FBN1: variants seen among roughly 807,000 people sequenced by gnomAD.
The protein encoded by FBN1 is fibrillin 1, also known as fibrillin-1.
Under a neutral mutation model 365.1 loss-of-function variants are expected in FBN1, and 29 were observed. The observed-to-expected ratio is 0.08, with a 90% CI of 0.06 to 0.11. The LOEUF is 0.11. Among genes scored for constraint, FBN1 ranks in the 10% least tolerant of loss-of-function variants. The pLI, the probability that FBN1 is intolerant of heterozygous loss-of-function variation, is 1.00. For missense variants in FBN1, 2,476 were observed against 3,703.2 expected, an observed-to-expected ratio of 0.67 and a Z score of 8.60; for synonymous variants, 1,210 against 1,270.5, an observed-to-expected ratio of 0.95 and a Z score of 1.01.
chr15:48,441,043 T>C (rs953886994), intron 50 of FBN1, among the ~76,000 whole-genome samples: 2 of 152,158 alleles, frequency 1.3e-5, no homozygotes, highest in Admixed American at 1.3e-4. Context: ...TATGTAGATA[T>C]CCATACACAA....
rs373091258 is a variant in FBN1, at chr15:48,630,476, C to A, written c.164+14130G>T. The stretch of plus-strand genomic sequence containing the variant: ...AGTCAGTCTGCAGTCAAATTAGACC[C>A]TGCTGTCTTCTGTCAAAGTTCAATA... On this transcript the variant is annotated intron_variant, in intron 2 of 65. Coordinates refer to ENST00000316623, the MANE Select transcript of FBN1 (RefSeq NM_000138.5). 3.3e-5 allele frequency among the ~76,000 whole-genome samples: 5 copies of A among 152,278 alleles called. No individual in the cohort carries two copies. In the East Asian group the frequency reaches 9.6e-4, roughly 29 times the overall value.
intron 50 of FBN1, among the ~76,000 whole-genome samples, chr15:48,440,874 A>AGGG (rs1235462927): frequency 6.8e-6 from 1 of 147,168 alleles, no homozygotes; most frequent in Non-Finnish European, 1.5e-5. Context: ...ATATTTGGTA[A>AGGG]TACGGAAGCA....
At chr15:48,610,660 C>A in intron 4 of FBN1, 68 bp downstream of exon 4, 1 of 1,240,584 alleles carries the variant, frequency 8.1e-7, no homozygotes. Flanking sequence ...AAGCCAAAAT[C>A]AAATTTAGGA....
At position 48,408,921 on chromosome 15, in the gene FBN1, G is replaced by C. The variant is rs1244562202; in HGVS notation, c.*2069C>G. 6.6e-6 allele frequency: 1 copy of C among 152,182 alleles called. No individual in the cohort carries two copies. Among genetic ancestry groups the C allele is most frequent in the Non-Finnish European group, 1.5e-5 (1 of 68,024 alleles). The allele number at this position is 152,182 out of a possible 1,614,324, so 9.4% of individuals were successfully genotyped here. Reference sequence around the variant, plus strand: ...AGACATTTTCCATATGCAAACTGTTGTTTACCATATGCTATATATTCTTCG... The same window carrying C: ...AGACATTTTCCATATGCAAACTGTTCTTTACCATATGCTATATATTCTTCG... On this transcript the variant is annotated 3_prime_UTR_variant, in exon 66 of 66. Coordinates refer to ENST00000316623, the MANE Select transcript of FBN1 (RefSeq NM_000138.5).
intron 6 of FBN1, among the ~76,000 whole-genome samples, chr15:48,582,042 G>C (rs980226830): frequency 2.6e-5 from 4 of 152,130 alleles, no homozygotes; most frequent in Non-Finnish European, 5.9e-5. Context: ...CATCTCTGAG[G>C]TATTAACACT....
intron 6 of FBN1, among the ~76,000 whole-genome samples, chr15:48,574,008 G>A (rs1007437753): frequency 2.0e-5 from 3 of 152,202 alleles, no homozygotes; most frequent in Non-Finnish European, 4.4e-5. Context: ...CCGACCGCAC[G>A]GGTCCTGTTC....
At chr15:48,512,458 C>T (rs2043768119) in intron 13 of FBN1, among the ~76,000 whole-genome samples, 1 of 152,136 alleles carries the variant, frequency 6.6e-6, no homozygotes, top group East Asian at 1.9e-4. Context: ...GGTTATTTTT[C>T]CTGATCCTCT....
chr15:48,505,925 GAAGTAA>G (rs2043704366), intron 15 of FBN1, among the ~76,000 whole-genome samples: 1 of 152,128 alleles, frequency 6.6e-6, no homozygotes, highest in Non-Finnish European at 1.5e-5. Flanking sequence ...ACAACACTTA[GAAGTAA>G]ATGATTTTAG....
intron 6 of FBN1, among the ~76,000 whole-genome samples, chr15:48,579,825 T>C (rs769370873): frequency 4.6e-5 from 7 of 152,240 alleles, no homozygotes; most frequent in Non-Finnish European, 5.9e-5. Context: ...TAATCTAAAC[T>C]GTGGTATGTG....
chr15:48,628,576 A>T (rs987689418), intron 2 of FBN1, among the ~76,000 whole-genome samples: 8 of 152,104 alleles, frequency 5.3e-5, no homozygotes, highest in African/African-American at 1.9e-4. Context: ...TTCTGTGTGA[A>T]TTTTCCACAA....
At chr15:48,590,182 G>A (rs1448476994) in intron 6 of FBN1, among the ~76,000 whole-genome samples, 1 of 152,054 alleles carries the variant, frequency 6.6e-6, no homozygotes, top group African/African-American at 2.4e-5. Context: ...CTTCTACATA[G>A]AGAAAAAATA....
chr15:48,495,309 C>T (rs745423130), intron 21 of FBN1, 49 bp from the exon 22 acceptor site: 6 of 1,606,246 alleles, frequency 3.7e-6, no homozygotes, highest in Middle Eastern at 4.0e-4. Flanking sequence ...AAAATTCAAA[C>T]ATACACCTTG....
intron 7 of FBN1, 38 bp from the exon 8 acceptor site, chr15:48,534,243 CT>C (rs766606617): frequency 6.7e-7 from 1 of 1,491,244 alleles, no homozygotes; most frequent in Non-Finnish European, 9.2e-7. Context: ...AAAAAAAAAA[CT>C]CATATGAAAT....
chr15:48,583,335 C>A (rs1038108548), intron 6 of FBN1, among the ~76,000 whole-genome samples: 1 of 152,116 alleles, frequency 6.6e-6, no homozygotes, highest in Non-Finnish European at 1.5e-5. Context: ...TTTAAAATAA[C>A]CAAATGTTTT....
Position 48,472,593 on chromosome 15 carries a change from C to T in FBN1, c.4294G>A (p.Asp1432Asn), listed in dbSNP as rs778145681. Residue 1432 changes from aspartate (D) to asparagine (N), a missense_variant, in exon 35 of 66, where the codon GAC becomes AAC. By Grantham distance (23) the Asp-to-Asn change is conservative. Transcript: ENST00000316623. Reference sequence around the variant, plus strand: ...TCAGCACTGGGCACGAAGCCCATGTCGCATTCACAGCGGTATCCTCCTGGT... The same window carrying T: ...TCAGCACTGGGCACGAAGCCCATGTTGCATTCACAGCGGTATCCTCCTGGT... The part of the protein sequence containing the change: ...NAPGGYRCEC[D>N]MGFVPSADGK... 6 of 1,614,058 alleles carry T rather than the reference C, an allele frequency of 3.7e-6. No individual in the cohort carries two copies. Among genetic ancestry groups the T allele is most frequent in the South Asian group, 3.3e-5 (3 of 91,090 alleles).
At chr15:48,474,853 C>T (rs1218157130) in intron 32 of FBN1, among the ~76,000 whole-genome samples, 1 of 152,144 alleles carries the variant, frequency 6.6e-6, no homozygotes, top group Non-Finnish European at 1.5e-5. Context: ...ATTGTACTAG[C>T]TATTGTTAAC....
intron 9 of FBN1, among the ~76,000 whole-genome samples, chr15:48,525,282 T>C (rs1200698312): frequency 1.3e-5 from 2 of 152,134 alleles, no homozygotes; most frequent in Non-Finnish European, 2.9e-5. Flanking sequence ...AGACAGGGTT[T>C]CACCATGTTG....
In FBN1 at chr15:48,503,774, T is replaced by C. The variant is rs755529582; in HGVS notation, c.2113+13A>G. ...GGCTGGCAGTACGAGGGCATCTCCA[T>C]GATACCACATACCTGAATTCTGTGC... is the stretch of plus-strand genomic sequence containing the variant. On this transcript the variant is annotated intron_variant, in intron 17 of 65. Coordinates refer to ENST00000316623, the MANE Select transcript of FBN1 (RefSeq NM_000138.5). 1.1e-5 allele frequency: 18 copies of C among 1,613,378 alleles called. No individual in the cohort carries two copies. The Admixed American group carries it at 2.5e-4, about 22-fold the overall frequency.
chr15:48,468,366 T>C lies in FBN1; in HGVS notation c.4582+46A>G, dbSNP rs774853606. On this transcript the variant is annotated intron_variant, in intron 37 of 65. Coordinates refer to ENST00000316623, the MANE Select transcript of FBN1 (RefSeq NM_000138.5). ...GGAATGTTTGGTGCTGTTTTCAAAA[T>C]AATACACAGTATGCTTGCTTCTCTG... 4.3e-6 allele frequency: 7 copies of C among 1,611,894 alleles called. No individual in the cohort carries two copies. The African/African-American group carries it at 9.3e-5, about 22-fold the overall frequency.
Sources: allele counts gnomAD v4.1 joint callset (sites outside exome capture counted in the v4.1 genomes callset), GRCh38; gene constraint gnomAD v4.1.1; transcripts MANE v1.5; gene names NCBI Gene and HGNC (gene_info 2026-07-23, HGNC 2026-07-21).